D2HGDH: variants seen among roughly 807,000 people sequenced by gnomAD.
The protein encoded by D2HGDH is D-2-hydroxyglutarate dehydrogenase, also known as D-2-hydroxyglutarate dehydrogenase, mitochondrial.
D2HGDH carries 31 observed loss-of-function variants against 46.9 expected under a neutral mutation model. The ratio of observed to expected loss-of-function variants is 0.66; its 90% CI spans 0.50 to 0.89. D2HGDH has a LOEUF of 0.89. Among genes scored for constraint, D2HGDH ranks in the 40% least tolerant of loss-of-function variants. The pLI is 0.00. For missense variants in D2HGDH, 698 were observed against 720.8 expected (o/e 0.97, Z 0.36); for synonymous variants, 364 against 332.6 (o/e 1.09, Z -1.03).
At chr2:241,739,265 G>T (rs1161553665) in intron 2 of D2HGDH, among the ~76,000 whole-genome samples, 1 of 152,192 alleles carries the variant, frequency 6.6e-6, no homozygotes, top group Non-Finnish European at 1.5e-5. Context: ...TTCTTGGGGG[G>T]TACTCATGTT....
At position 241,758,769 on chromosome 2, in the gene D2HGDH, A is replaced by ATATGTGTG. The variant is rs1315576359; in HGVS notation, c.1306+2756_1306+2757insATGTGTGT. Among the ~76,000 whole-genome samples, 14 of 131,970 alleles carry ATATGTGTG rather than the reference A, an allele frequency of 1.1e-4. 1 individual carries two copies. The South Asian group carries it at 2.2e-3, about 21-fold the overall frequency. 86.6% of individuals were successfully genotyped at this position (131,970 alleles called of 152,430 possible). On this transcript the variant is annotated intron_variant, in intron 9 of 9. Coordinates refer to ENST00000321264, the MANE Select transcript of D2HGDH (RefSeq NM_152783.5). ...TATACCGCCCCCCGCCCCACAATAT[A>ATATGTGTG]TGTGTGTGTGTGTGTGTGTGTGTGT...
intron 2 of D2HGDH, among the ~76,000 whole-genome samples, chr2:241,740,368 C>T (rs932751569): frequency 2.6e-5 from 4 of 152,084 alleles, no homozygotes; most frequent in Non-Finnish European, 4.4e-5. Flanking sequence ...GCAGACATCC[C>T]GTTACCGTGG....
chr2:241,768,188 C>T lies in D2HGDH; in HGVS notation c.*219C>T, dbSNP rs996850331. The T allele has an allele frequency of 2.4e-5, 17 of 714,288 alleles. No homozygotes were observed. The highest frequency in any genetic ancestry group is 6.0e-5 in the Admixed American group (2 of 33,486). The allele number at this position is 714,288 out of a possible 1,614,324, so 44.2% of individuals were successfully genotyped here. A position where few individuals can be genotyped will look rare whatever the true frequency, so the allele number is the denominator to read the frequency against. On this transcript the variant is annotated 3_prime_UTR_variant, in exon 10 of 10. Transcript: ENST00000321264. Reference sequence around the variant, plus strand: ...GTGGCAGGCACCCTCCTTTGCAGGGCGAGGTGGGGCCTCTGCAGCCATCCT... The same window carrying T: ...GTGGCAGGCACCCTCCTTTGCAGGGTGAGGTGGGGCCTCTGCAGCCATCCT...
chr2:241,767,801 C>CGGGCAGCA lies in D2HGDH; in HGVS notation c.1406_1413dup (p.Val472ArgfsTer211). On this transcript the variant is annotated frameshift_variant, in exon 10 of 10. Coordinates refer to ENST00000321264, the MANE Select transcript of D2HGDH (RefSeq NM_152783.5). LOFTEE classifies it high-confidence loss of function. Reference sequence around the variant, plus strand: ...AGCCCCACGTGTACGAGTGGACGGCCGGGCAGCAGGGCAGCGTCAGCGCGG... The same window carrying CGGGCAGCA: ...AGCCCCACGTGTACGAGTGGACGGCCGGGCAGCAGGGCAGCAGGGCAGCGTCAGCGCGG... The CGGGCAGCA allele has an allele frequency of 1.2e-6, 2 of 1,612,162 alleles. No individual in the cohort carries two copies. The highest frequency in any genetic ancestry group is 2.2e-5 in the East Asian group (1 of 44,868).
chr2:241,759,343 G>A (rs1575327187), intron 9 of D2HGDH, among the ~76,000 whole-genome samples: 1 of 152,308 alleles, frequency 6.6e-6, no homozygotes, highest in East Asian at 1.9e-4. Flanking sequence ...CGTGTTCTTA[G>A]GGGCATAGGA....
intron 9 of D2HGDH, among the ~76,000 whole-genome samples, chr2:241,758,824 C>G (rs1395030688): frequency 1.5e-5 from 2 of 136,116 alleles, no homozygotes; most frequent in African/African-American, 5.3e-5. Context: ...GAGCCAGACT[C>G]ATGTAGAGCC....
chr2:241,741,172 T>TGA (rs1694358741), intron 3 of D2HGDH, 82 bp downstream of exon 3: 1 of 1,367,156 alleles, frequency 7.3e-7, no homozygotes, highest in African/African-American at 1.4e-5. Context: ...GCAGCTGGGG[T>TGA]GACGCGGTGC....
In D2HGDH at chr2:241,751,419, T is replaced by G. The variant is rs1473951575; in HGVS notation, c.1140+31T>G. On this transcript the variant is annotated intron_variant, in intron 8 of 9. Transcript: ENST00000321264. ...CTGTGTCCTGCTTGCAGGTCCCCGCTCTCTGTCCGTCCAGTCCAGCCTTGT... is the reference window on the plus strand; with the variant it reads ...CTGTGTCCTGCTTGCAGGTCCCCGCGCTCTGTCCGTCCAGTCCAGCCTTGT... The G allele has an allele frequency of 3.7e-6, 6 of 1,611,062 alleles. No homozygotes were observed. The Admixed American group carries it at 1.0e-4, about 27-fold the overall frequency.
rs1410559314 is a variant in D2HGDH, at chr2:241,741,046, G to A, written c.306G>A (p.Val102=). The change falls in exon 3 of 10, where the codon GTG becomes GTA. Residue 102 remains valine (V), a synonymous_variant. Transcript: ENST00000321264. ...TTCCTGTCACAGGCTGTAGCAAGGT[G>A]CTGCTGAGGCCACGGACGTCGGAGG... ...WLRTLRGCSK[V]LLRPRTSEEV... is the part of the protein sequence containing the mutation. 1 of 1,614,054 alleles carries A rather than the reference G, an allele frequency of 6.2e-7. No individual in the cohort carries two copies. Among genetic ancestry groups the A allele is most frequent in the Non-Finnish European group, 8.5e-7 (1 of 1,179,986 alleles).
intron 9 of D2HGDH, among the ~76,000 whole-genome samples, chr2:241,759,069 C>A (rs192664177): frequency 1.3e-3 from 197 of 152,040 alleles, no homozygotes; most frequent in Non-Finnish European, 2.1e-3. Flanking sequence ...TGCATTATAC[C>A]CAGGAAACTT....
At chr2:241,759,134 C>T (rs575363922) in intron 9 of D2HGDH, among the ~76,000 whole-genome samples, 1 of 152,268 alleles carries the variant, frequency 6.6e-6, no homozygotes, top group South Asian at 2.1e-4. Flanking sequence ...TATGATCAGC[C>T]TTCGTAACTG....
At position 241,735,032 on chromosome 2, in the gene D2HGDH, G is replaced by A. The variant is rs139210804; in HGVS notation, c.-92-101G>A. The A allele has an allele frequency of 7.8e-3, 5,044 of 643,316 alleles. 180 individuals carry two copies. The highest frequency in any genetic ancestry group is 0.072 in the East Asian group (2,139 of 29,880). The allele number at this position is 643,316 out of a possible 1,614,324, so 39.9% of individuals were successfully genotyped here. ...CAGGGGGAGGGCCCGGGTGCTCGGA[G>A]CCTTCCCTTCGCTGCCCTCCTGCCC... On this transcript the variant is annotated intron_variant, in intron 1 of 9. Transcript: ENST00000321264.
intron 8 of D2HGDH, 162 bp from the exon 9 acceptor site, chr2:241,755,687 G>T: frequency 6.4e-7 from 1 of 1,554,518 alleles, no homozygotes; most frequent in Non-Finnish European, 8.7e-7. Context: ...CGCTGTCTGG[G>T]GTTGGAGCCA....
At chr2:241,763,782 C>T (rs1344907651) in intron 9 of D2HGDH, among the ~76,000 whole-genome samples, 1 of 152,100 alleles carries the variant, frequency 6.6e-6, no homozygotes. Flanking sequence ...GTAATCTCAG[C>T]GCTTTGGGAA....
At chr2:241,755,536 T>A in intron 8 of D2HGDH, 1 of 1,389,126 alleles carries the variant, frequency 7.2e-7, no homozygotes, top group Non-Finnish European at 9.6e-7. Context: ...CCCAGCCGCC[T>A]GATTGCCGGA....
intron 1 of D2HGDH, 109 bp downstream of exon 1, chr2:241,734,804 C>T (rs893105937): frequency 1.8e-5 from 3 of 169,220 alleles, no homozygotes; most frequent in Non-Finnish European, 3.8e-5. Flanking sequence ...CCAGTCGGTG[C>T]CTGTGGGGGG....
rs760608885 is a variant in D2HGDH at position 241,767,952 on chromosome 2, C to A, written c.1549C>A (p.Leu517Met). 3.0e-5 allele frequency: 48 copies of A among 1,594,762 alleles called. No individual in the cohort carries two copies. In the South Asian group the frequency reaches 5.3e-4, roughly 18 times the overall value. The change falls in exon 10 of 10, where the codon CTG becomes ATG. Residue 517 changes from leucine (L) to methionine (M), a missense_variant. Coordinates refer to ENST00000321264, the MANE Select transcript of D2HGDH (RefSeq NM_152783.5). ...GGGCATCCTCAACCCCTACAAGACG[C>A]TGCCCAGCCAGGCCTGACGGCCACT... ...PKGILNPYKT[L>M]PSQA is the part of the protein sequence containing the mutation.
At position 241,742,742 on chromosome 2, in the gene D2HGDH, G is replaced by A. The variant is rs536391701; in HGVS notation, c.490+168G>A. On this transcript the variant is annotated intron_variant, in intron 4 of 9. Transcript: ENST00000321264. This position sits in a 1 kb window ranked among gnomAD's most constrained non-coding sequence, Gnocchi z 4.8. ...CTGGCCGCCTAGCCCCACCTCGCCCGGCCCCTCCAGACATGCGTGCTGGTG... is the reference window on the plus strand; with the variant it reads ...CTGGCCGCCTAGCCCCACCTCGCCCAGCCCCTCCAGACATGCGTGCTGGTG... Among the ~76,000 whole-genome samples, 52 of 152,320 alleles carry A rather than the reference G, an allele frequency of 3.4e-4. No individual in the cohort carries two copies. Among genetic ancestry groups the A allele is most frequent in the Admixed American group, 3.9e-4 (6 of 15,306 alleles).
At position 241,742,711 on chromosome 2, in the gene D2HGDH, T is replaced by A; in HGVS notation, c.490+137T>A. On this transcript the variant is annotated intron_variant, in intron 4 of 9. Transcript: ENST00000321264. The surrounding 1 kb of genome is among the most constrained non-coding windows in gnomAD (Gnocchi z 4.8). ...CGGCGCTGGGGAAAGAACCAGCGTC[T>A]GTAGCCTGGCCGCCTAGCCCCACCT... is the stretch of plus-strand genomic sequence containing the variant. 8.5e-7 allele frequency: 1 copy of A among 1,173,020 alleles called. No homozygotes were observed. The allele number at this position is 1,173,020 out of a possible 1,614,324, so 72.7% of individuals were successfully genotyped here.
Sources: allele counts gnomAD v4.1 joint callset (sites outside exome capture counted in the v4.1 genomes callset), GRCh38; gene constraint gnomAD v4.1.1; non-coding constraint Gnocchi (gnomAD v3.1); transcripts MANE v1.5; gene names NCBI Gene and HGNC (gene_info 2026-07-23, HGNC 2026-07-21).